Variants in MAP4K5 observed in about 807,000 individuals in gnomAD.
MAP4K5 encodes MAPK/ERK kinase kinase kinase 5.
In MAP4K5, 82 loss-of-function variants were observed where a neutral mutation model predicts 135.6. The ratio of observed to expected loss-of-function variants is 0.60; its 90% CI spans 0.51 to 0.73. The LOEUF is 0.73. MAP4K5 is among the 30% of genes least tolerant of loss of function. The pLI, the probability that MAP4K5 is intolerant of heterozygous loss-of-function variation, is 0.00. For missense variants in MAP4K5, 907 were observed against 1,010.9 expected, an observed-to-expected ratio of 0.90 and a Z score of 1.39; for synonymous variants, 347 against 335.0, an observed-to-expected ratio of 1.04 and a Z score of -0.39.
Position 50,429,232 on chromosome 14 carries a change from T to C in MAP4K5, c.2193A>G (p.Val731=), listed in dbSNP as rs34382193. ...AAACGGTATCTCTCTCCAACTGTGT[T>C]ACATGAATGGAATCTAACTGCTGGC... ...AGSQQLDSIH[V]TQLERDTVLV... Residue 731 remains valine (V), a synonymous_variant, in exon 29 of 33, where the codon GTA becomes GTG. Coordinates refer to ENST00000682126, the MANE Select transcript of MAP4K5 (RefSeq NM_006575.6). 4,473 of 1,564,206 alleles carry C rather than the reference T, an allele frequency of 2.9e-3. 104 individuals carry two copies. In the African/African-American group the frequency reaches 0.053, roughly 18 times the overall value.
chr14:50,425,551 T>C (rs1233509802), intron 31 of MAP4K5, among the ~76,000 whole-genome samples: 1 of 152,192 alleles, frequency 6.6e-6, no homozygotes, highest in Non-Finnish European at 1.5e-5. Flanking sequence ...TATGTATTAA[T>C]TTAGATTTTA....
intron 3 of MAP4K5, among the ~76,000 whole-genome samples, chr14:50,501,932 A>T (rs981497020): frequency 2.6e-5 from 4 of 152,178 alleles, no homozygotes; most frequent in Admixed American, 2.6e-4. Context: ...TCTAGAACAG[A>T]GCTTGGCGTA....
intron 2 of MAP4K5, among the ~76,000 whole-genome samples, chr14:50,512,672 T>C (rs185838641): frequency 6.6e-6 from 1 of 152,246 alleles, no homozygotes; most frequent in Non-Finnish European, 1.5e-5. Flanking sequence ...GGCTCTTTTA[T>C]AATGAAAGGC....
upstream of MAP4K5, among the ~76,000 whole-genome samples, chr14:50,535,023 G>A (rs1010117151): frequency 6.6e-6 from 1 of 152,182 alleles, no homozygotes; most frequent in East Asian, 1.9e-4. Flanking sequence ...CATATGACAA[G>A]GTATGGAATA....
intron 21 of MAP4K5, among the ~76,000 whole-genome samples, chr14:50,441,555 A>G (rs192582525): frequency 1.1e-3 from 173 of 152,160 alleles, no homozygotes; most frequent in African/African-American, 4.0e-3. Flanking sequence ...TTTTACACTA[A>G]AAGAGACTAA....
intron 1 of MAP4K5, among the ~76,000 whole-genome samples, chr14:50,552,363 T>C (rs1224399057): frequency 6.6e-6 from 1 of 152,142 alleles, no homozygotes; most frequent in African/African-American, 2.4e-5. Flanking sequence ...AAAGAAATCA[T>C]AGATGACACA....
At chr14:50,428,810 A>C (rs767651153) in intron 29 of MAP4K5, 56 bp from the exon 30 acceptor site, 1 of 798,640 alleles carries the variant, frequency 1.3e-6, no homozygotes, top group Non-Finnish European at 2.0e-6. Flanking sequence ...AAATAAATGT[A>C]ACTTGATATA....
At position 50,461,447 on chromosome 14, in the gene MAP4K5, T is replaced by C. The variant is rs377764660; in HGVS notation, c.936+1218A>G. ...TAAATAAATAAATAAATAAAGGACA[T>C]GAAGAGACAAATTCAGAAAAACTTA... On this transcript the variant is annotated intron_variant, in intron 13 of 32. Transcript: ENST00000682126. 1.1e-3 allele frequency among the ~76,000 whole-genome samples: 170 copies of C among 151,550 alleles called. 2 individuals carry two copies. The South Asian group carries it at 0.033, about 29-fold the overall frequency.
At chr14:50,441,992 T>G (rs2036240809) in intron 21 of MAP4K5, among the ~76,000 whole-genome samples, 1 of 152,120 alleles carries the variant, frequency 6.6e-6, no homozygotes, top group Non-Finnish European at 1.5e-5. Flanking sequence ...GAGTGATTCA[T>G]GTTTCAAACA....
At position 50,445,175 on chromosome 14, in the gene MAP4K5, G is replaced by C; in HGVS notation, c.1205C>G (p.Pro402Arg). 1 of 1,613,334 alleles carries C rather than the reference G, an allele frequency of 6.2e-7. No individual in the cohort carries two copies. Among genetic ancestry groups the C allele is most frequent in the Non-Finnish European group, 8.5e-7 (1 of 1,179,576 alleles). Residue 402 changes from proline (P) to arginine (R), a missense_variant, in exon 18 of 33, where the codon CCT (proline) becomes CGT (arginine). Around this residue, in one of 3 missense-constraint regions of MAP4K5, gnomAD observed 690 missense variants for 777.4 expected, o/e 0.89. Coordinates refer to ENST00000682126, the MANE Select transcript of MAP4K5 (RefSeq NM_006575.6). The part of the protein sequence containing the change: ...LPPKPRISSY[P>R]EDNFPDEEKA... ...TTCTTCATCCGGAAAGTTGTCTTCA[G>C]GGTAACTGCTTATCCTTGGCTAGTG... is the stretch of plus-strand genomic sequence containing the variant.
Position 50,446,088 on chromosome 14 carries a change from T to C in MAP4K5, c.1176A>G (p.Leu392=), listed in dbSNP as rs1046276474. The C allele has an allele frequency of 3.2e-6, 5 of 1,566,684 alleles. No homozygotes were observed. In the African/African-American group the frequency reaches 7.0e-5, roughly 22 times the overall value. Residue 392 remains leucine (L), a synonymous_variant, in exon 17 of 33, where the codon CTA becomes CTG. Transcript: ENST00000682126. The part of the protein sequence containing the change: ...STSKRAIPPP[L]PPKPRISSYP... ...TCATTAAGTAGCTCACCTTAGGAGG[T>C]AGGGGAGGTGGTATTGCACGTTTTG... is the stretch of plus-strand genomic sequence containing the variant.
intron 9 of MAP4K5, 107 bp downstream of exon 9, chr14:50,474,970 C>T: frequency 1.0e-6 from 1 of 966,788 alleles, no homozygotes; most frequent in Non-Finnish European, 1.6e-6. Context: ...AAAGAGCACG[C>T]AAATCTCCCT....
intron 1 of MAP4K5, among the ~76,000 whole-genome samples, chr14:50,556,772 C>T (rs1367053161): frequency 1.3e-5 from 2 of 152,156 alleles, no homozygotes; most frequent in Non-Finnish European, 2.9e-5. Context: ...TGGCTACTTT[C>T]ATTTACTATA....
Position 50,445,133 on chromosome 14 carries a change from T to C in MAP4K5, c.1247A>G (p.Lys416Arg), listed in dbSNP as rs879091900. ...FPDEEKASTI[K>R]HCPDSESRAP... Reference sequence around the variant, plus strand: ...TCTGCTTTCTGAATCAGGACAATGTTTTATGGTTGATGCTTTTTCTTCATC... The same window carrying C: ...TCTGCTTTCTGAATCAGGACAATGTCTTATGGTTGATGCTTTTTCTTCATC... The change falls in exon 18 of 33, where the codon AAA becomes AGA. Residue 416 changes from lysine (K) to arginine (R), a missense_variant. Around this residue, in one of 3 missense-constraint regions of MAP4K5, gnomAD observed 690 missense variants for 777.4 expected, o/e 0.89. Transcript: ENST00000682126. The C allele has an allele frequency of 2.5e-6, 4 of 1,613,500 alleles. No individual in the cohort carries two copies. In the South Asian group the frequency reaches 3.3e-5, roughly 13 times the overall value.
chr14:50,432,833 A>C (rs2036003700), intron 28 of MAP4K5, among the ~76,000 whole-genome samples: 1 of 151,770 alleles, frequency 6.6e-6, no homozygotes, highest in South Asian at 2.1e-4. Context: ...ACAGGGAAAT[A>C]TTTCTTTCTT....
At chr14:50,475,041 GA>G in intron 9 of MAP4K5, 35 bp downstream of exon 9, 1 of 1,551,366 alleles carries the variant, frequency 6.4e-7, no homozygotes, top group Non-Finnish European at 8.9e-7. Context: ...ATGAAGAAAT[GA>G]AAATGGATCA....
intron 5 of MAP4K5, 173 bp from the exon 6 acceptor site, chr14:50,482,589 C>T: frequency 4.3e-6 from 2 of 465,854 alleles, no homozygotes; most frequent in South Asian, 5.0e-5. Context: ...CTATCCTGGC[C>T]AACATGGTGA....
At chr14:50,518,727 T>A (rs943525020) in intron 2 of MAP4K5, among the ~76,000 whole-genome samples, 1 of 152,236 alleles carries the variant, frequency 6.6e-6, no homozygotes, top group African/African-American at 2.4e-5. Context: ...CATCTGTCTC[T>A]GAAAAGGTTT....
chr14:50,544,247 G>T (rs1231834281), intron 1 of MAP4K5, among the ~76,000 whole-genome samples: 1 of 152,208 alleles, frequency 6.6e-6, no homozygotes, highest in East Asian at 1.9e-4. Context: ...TAAGGGTTAT[G>T]GGAAAGTGGA....
Sources: gnomAD v4.1 joint callset for allele counts (sites outside exome capture counted in the v4.1 genomes callset) on GRCh38, gnomAD v4.1.1 for gene constraint, gnomAD v4.1.1 regional missense constraint, MANE v1.5 for transcripts, NCBI Gene and HGNC (gene_info 2026-07-23, HGNC 2026-07-21) for gene names.